CEP170B: variants seen among roughly 807,000 people sequenced by gnomAD.
CEP170B encodes centrosomal protein of 170 kDa protein B.
A neutral mutation model predicts 120.6 loss-of-function variants in CEP170B; 55 were observed. The ratio of observed to expected loss-of-function variants is 0.46; its 90% CI spans 0.37 to 0.57. The LOEUF is 0.57. CEP170B is among the 20% of genes least tolerant of loss of function. The pLI is 0.00. For synonymous variants in CEP170B, 1,033 were observed against 954.5 expected (o/e 1.08, Z -1.52); for missense variants, 2,212 against 2,253.3 (o/e 0.98, Z 0.37).
At position 104,893,000 on chromosome 14, in the gene CEP170B, C is replaced by T. The variant is rs1380726276; in HGVS notation, c.3903C>T (p.Asp1301=). Residue 1301 remains aspartate, a synonymous_variant, in exon 14 of 19, where the codon GAC becomes GAT. Transcript: ENST00000414716. ...IARLSQTLVK[D]VAILAQEIHD... is the part of the protein sequence containing the mutation. ...GGCTGAGCCAGACGCTGGTGAAGGA[C>T]GTGGCCATCCTAGCCCAGGAGATCC... 3.8e-6 allele frequency: 6 copies of T among 1,574,148 alleles called. No homozygotes were observed. The highest frequency in any genetic ancestry group is 2.4e-5 in the East Asian group (1 of 42,434).
intron 4 of CEP170B, among the ~76,000 whole-genome samples, 166 bp downstream of exon 4, chr14:104,878,129 G>A (rs975079080): frequency 2.2e-4 from 34 of 151,910 alleles, no homozygotes; most frequent in Non-Finnish European, 2.8e-4. Context: ...AGCACCCCAA[G>A]GAATGCCAGT....
intron 2 of CEP170B, among the ~76,000 whole-genome samples, chr14:104,872,285 GC>G (rs151291862): frequency 3.9e-4 from 19 of 48,774 alleles, no homozygotes; most frequent in African/African-American, 1.2e-3. Flanking sequence ...CCGTGTGTGT[GC>G]CGCGTGTGTG....
rs768989634 is a variant in CEP170B at position 104,884,255 on chromosome 14, C to T, written c.1476C>T (p.Ser492=). 80 of 1,543,574 alleles carry T rather than the reference C, an allele frequency of 5.2e-5. No homozygotes were observed. The highest frequency in any genetic ancestry group is 1.8e-4 in the Middle Eastern group (1 of 5,634). ...GAACCCCTGCCCGCCCCTTCGGAAG[C>T]GTGGGGCGCCGCTCCCGCCTGGCCC... ...ASRTPARPFG[S]VGRRSRLAQD... is the part of the protein sequence containing the mutation. The change falls in exon 9 of 19, where the codon AGC becomes AGT. Residue 492 remains serine (S), a synonymous_variant. Transcript: ENST00000414716.
At position 104,889,611 on chromosome 14, in the gene CEP170B, C is replaced by T; in HGVS notation, c.3740-9C>T. The T allele has an allele frequency of 1.9e-6, 3 of 1,610,160 alleles. No individual in the cohort carries two copies. The highest frequency in any genetic ancestry group is 2.5e-6 in the Non-Finnish European group (3 of 1,179,740). On this transcript the variant is annotated splice_polypyrimidine_tract_variant and intron_variant, in intron 12 of 18. Coordinates refer to ENST00000414716, the MANE Select transcript of CEP170B (RefSeq NM_001112726.3). Reference sequence around the variant, plus strand: ...TCCCCCAAACACACACGCTCCCACACCTCAACAGCCACTCAGACCCCGAGG... The same window carrying T: ...TCCCCCAAACACACACGCTCCCACATCTCAACAGCCACTCAGACCCCGAGG...
At position 104,870,053 on chromosome 14, in the gene CEP170B, C is replaced by T. The variant is rs945221775; in HGVS notation, c.105+1498C>T. ...TCCCTTTTTTCTCTTTTCTTTATGCCTTTGGTAGCGGGAGAGAGTCGGTGG... is the reference window on the plus strand; with the variant it reads ...TCCCTTTTTTCTCTTTTCTTTATGCTTTTGGTAGCGGGAGAGAGTCGGTGG... On this transcript the variant is annotated intron_variant, in intron 2 of 18. Coordinates refer to ENST00000414716, the MANE Select transcript of CEP170B (RefSeq NM_001112726.3). The surrounding 1 kb of genome is among the most constrained non-coding windows in gnomAD (Gnocchi z 4.1). Among the ~76,000 whole-genome samples the T allele has an allele frequency of 1.3e-5, 2 of 152,126 alleles. No homozygotes were observed. The highest frequency in any genetic ancestry group is 4.8e-5 in the African/African-American group (2 of 41,402).
chr14:104,869,872 C>T (rs1045718555), intron 2 of CEP170B, among the ~76,000 whole-genome samples: 1 of 152,190 alleles, frequency 6.6e-6, no homozygotes, highest in Admixed American at 6.5e-5. Context: ...TTCCACATTA[C>T]TCAGGAATTT....
At chr14:104,881,102 C>T (rs1412523699) in intron 6 of CEP170B, among the ~76,000 whole-genome samples, 1 of 152,146 alleles carries the variant, frequency 6.6e-6, no homozygotes, top group Non-Finnish European at 1.5e-5. Context: ...TTCTGCAGAC[C>T]GAGCCAGCAG....
In CEP170B at chr14:104,884,489, C is replaced by T. The variant is rs867752330; in HGVS notation, c.1710C>T (p.Tyr570=). The T allele has an allele frequency of 3.2e-6, 5 of 1,564,884 alleles. No homozygotes were observed. Among genetic ancestry groups the T allele is most frequent in the South Asian group, 2.4e-5 (2 of 84,882 alleles). ...ACAGCCTCAGTGACGCAGGGACATA[C>T]ACCATCGAGACCGAGGCGCAGGACA... ...EDDSLSDAGT[Y]TIETEAQDTE... The change falls in exon 9 of 19, where the codon TAC becomes TAT. Residue 570 remains tyrosine, a synonymous_variant. Transcript: ENST00000414716.
At chr14:104,886,232 G>A (rs963040237) in intron 11 of CEP170B, 43 bp from the exon 12 acceptor site, 5 of 1,478,478 alleles carry the variant, frequency 3.4e-6, no homozygotes, top group Non-Finnish European at 4.5e-6. Flanking sequence ...TGGAGGGCCT[G>A]CAGACCAGCG....
chr14:104,894,610 G>C, intron 18 of CEP170B, 22 bp downstream of exon 18: 1 of 1,608,108 alleles, frequency 6.2e-7, no homozygotes, highest in Non-Finnish European at 8.5e-7. Context: ...CCAAGCCTGG[G>C]GCAGCAAGGG....
upstream of CEP170B, among the ~76,000 whole-genome samples, chr14:104,864,830 T>G (rs1461182509): frequency 6.6e-6 from 1 of 152,118 alleles, no homozygotes; most frequent in Non-Finnish European, 1.5e-5. The surrounding 1 kb of genome is among the most constrained non-coding windows in gnomAD (Gnocchi z 5.9). Context: ...GGTTGGGGAC[T>G]CGAGGCGCGG....
Position 104,889,716 on chromosome 14 carries a change from A to C in CEP170B, c.3836A>C (p.Tyr1279Ser), listed in dbSNP as rs780777866. ...TDDDEEEPDP[Y>S]GFIVQTAEIA... ...GACGATGAGGAGGAGCCTGACCCTT[A>C]TGGTTTCATCGTGCAGACGGCAGAG... The change falls in exon 13 of 19, where the codon TAT becomes TCT. Residue 1279 changes from tyrosine to serine, a missense_variant. Coordinates refer to ENST00000414716, the MANE Select transcript of CEP170B (RefSeq NM_001112726.3). 1.9e-6 allele frequency: 3 copies of C among 1,610,282 alleles called. No individual in the cohort carries two copies. The Admixed American group carries it at 5.0e-5, about 27-fold the overall frequency.
rs184388869 is a variant in CEP170B, at chr14:104,896,552, T to C, written c.*1594T>C. 4.4e-6 allele frequency: 2 copies of C among 455,678 alleles called. No individual in the cohort carries two copies. Among genetic ancestry groups the C allele is most frequent in the East Asian group, 1.4e-4 (2 of 14,348 alleles). The allele number at this position is 455,678 out of a possible 1,614,324, so 28.2% of individuals were successfully genotyped here. On this transcript the variant is annotated 3_prime_UTR_variant, in exon 19 of 19. Transcript: ENST00000414716. ...ATGTTTTAAGTTCACAAGTTCCTGC[T>C]CCTCCCCACACTGAGCTCCTTTGTT...
chr14:104,886,573 G>A lies in CEP170B; in HGVS notation c.2334G>A (p.Thr778=), dbSNP rs373896765. ...SRRRSPQEGP[T]WSRGRRSPRA... ...GCAGGAGCCCCCAGGAGGGGCCCACGTGGAGCAGGGGTCGGCGCTCACCAA... is the reference window on the plus strand; with the variant it reads ...GCAGGAGCCCCCAGGAGGGGCCCACATGGAGCAGGGGTCGGCGCTCACCAA... The change falls in exon 12 of 19, where the codon ACG becomes ACA. Residue 778 remains threonine (T), a synonymous_variant. Coordinates refer to ENST00000414716, the MANE Select transcript of CEP170B (RefSeq NM_001112726.3). 3.6e-4 allele frequency: 541 copies of A among 1,512,352 alleles called. No individual in the cohort carries two copies. Among genetic ancestry groups the A allele is most frequent in the Non-Finnish European group, 4.6e-4 (518 of 1,134,086 alleles). The allele number at this position is 1,512,352 out of a possible 1,614,324, so 93.7% of individuals were successfully genotyped here. A position where few individuals can be genotyped will look rare whatever the true frequency, so the allele number is the denominator to read the frequency against.
At chr14:104,871,433 C>T (rs373184169) in intron 2 of CEP170B, among the ~76,000 whole-genome samples, 3 of 151,412 alleles carry the variant, frequency 2.0e-5, no homozygotes, top group Admixed American at 2.0e-4. Context: ...CTGGACCCAG[C>T]CTCTCCCCAC....
chr14:104,883,578 C>A, intron 8 of CEP170B, 70 bp downstream of exon 8: 1 of 1,420,626 alleles, frequency 7.0e-7, no homozygotes, highest in Non-Finnish European at 9.4e-7. Context: ...TGGGTCTGCA[C>A]TGTTGCCATG....
intron 2 of CEP170B, among the ~76,000 whole-genome samples, chr14:104,869,536 C>T (rs779115659): frequency 1.3e-5 from 2 of 152,218 alleles, no homozygotes; most frequent in Non-Finnish European, 2.9e-5. Context: ...CAGCCCCACC[C>T]GATATTGCTG....
intron 2 of CEP170B, among the ~76,000 whole-genome samples, chr14:104,875,946 G>A (rs1470676517): frequency 6.6e-6 from 1 of 152,214 alleles, no homozygotes; most frequent in Non-Finnish European, 1.5e-5. Flanking sequence ...GCCGCCACCT[G>A]ACCTTGGGAG....
intron 14 of CEP170B, 133 bp downstream of exon 14, chr14:104,893,268 C>A: frequency 1.7e-6 from 2 of 1,188,002 alleles, no homozygotes; most frequent in South Asian, 1.6e-5. Flanking sequence ...TGGAACATGT[C>A]CCCCTGGGTC....
Sources: gnomAD v4.1 joint callset for allele counts (sites outside exome capture counted in the v4.1 genomes callset) on GRCh38, gnomAD v4.1.1 for gene constraint, Gnocchi (gnomAD v3.1) non-coding constraint, MANE v1.5 for transcripts, NCBI Gene and HGNC (gene_info 2026-07-23, HGNC 2026-07-21) for gene names.